NFIB: variants seen among roughly 807,000 people sequenced by gnomAD.
The protein encoded by NFIB is nuclear factor 1 B-type.
In NFIB, 11 loss-of-function variants were observed where a neutral mutation model predicts 61.5. The observed-to-expected ratio is 0.18, with a 90% confidence interval of 0.11 to 0.30. The LOEUF (loss-of-function observed/expected upper bound fraction) is 0.30, where lower values mean the gene tolerates loss of function less well. Ranked by LOEUF, NFIB falls within the 10% of genes least tolerant of loss-of-function variation. The pLI is 1.00. For missense variants in NFIB, 471 were observed against 608.9 expected, an observed-to-expected ratio of 0.77 and a Z score of 2.38; for synonymous variants, 260 against 216.5, an observed-to-expected ratio of 1.20 and a Z score of -1.76.
chr9:14,417,950 C>T, the NFIB span, among the ~76,000 whole-genome samples: 6 of 151,780 alleles, frequency 4.0e-5, no homozygotes, highest in East Asian at 5.8e-4. Flanking sequence ...GCTAATTTCT[C>T]GTACTTTTAG....
chr9:14,425,808 T>G, the NFIB span, among the ~76,000 whole-genome samples: 1 of 151,936 alleles, frequency 6.6e-6, no homozygotes, highest in Non-Finnish European at 1.5e-5. Context: ...ACACATAGAG[T>G]AGCACCTTAA....
intron 9 of NFIB, among the ~76,000 whole-genome samples, chr9:14,115,506 T>TTGG (rs1563799556): frequency 6.6e-6 from 1 of 152,198 alleles, no homozygotes; most frequent in Admixed American, 6.5e-5. Context: ...ATGCGGCTTA[T>TTGG]TGGTACGTGT....
At chr9:14,326,538 G>T (rs1445316474) in intron 1 of NFIB, among the ~76,000 whole-genome samples, 1 of 152,112 alleles carries the variant, frequency 6.6e-6, no homozygotes, top group Admixed American at 6.5e-5. Flanking sequence ...ATCTCAAGTG[G>T]TTTGTGGTGT....
At chr9:14,283,333 A>C (rs922005248) in intron 2 of NFIB, among the ~76,000 whole-genome samples, 2 of 152,222 alleles carry the variant, frequency 1.3e-5, no homozygotes, top group Admixed American at 6.5e-5. Flanking sequence ...CACAGGTTGA[A>C]GGAATTTAGA....
the NFIB span, among the ~76,000 whole-genome samples, chr9:14,429,347 T>C: frequency 6.6e-6 from 1 of 152,080 alleles, no homozygotes; most frequent in African/African-American, 2.4e-5. Context: ...AGAGGTCAAG[T>C]CCAAAGTCAA....
At chr9:14,121,920 G>A (rs926548801) in intron 7 of NFIB, among the ~76,000 whole-genome samples, 26 of 151,924 alleles carry the variant, frequency 1.7e-4, no homozygotes, top group African/African-American at 4.6e-4. Context: ...GAGTGTAATC[G>A]TATGATCATT....
intron 6 of NFIB, among the ~76,000 whole-genome samples, chr9:14,142,139 T>TA (rs1238979726): frequency 6.6e-6 from 1 of 152,170 alleles, no homozygotes; most frequent in Non-Finnish European, 1.5e-5. Flanking sequence ...TGATATGGTT[T>TA]AGCTGTGTCC....
At chr9:14,163,485 A>G (rs1377145373) in intron 3 of NFIB, among the ~76,000 whole-genome samples, 1 of 151,890 alleles carries the variant, frequency 6.6e-6, no homozygotes, top group African/African-American at 2.4e-5. Flanking sequence ...TCAAACAAAA[A>G]GGAAGCAGTA....
At chr9:14,187,921 G>T (rs1459509046) in intron 2 of NFIB, among the ~76,000 whole-genome samples, 3 of 152,148 alleles carry the variant, frequency 2.0e-5, no homozygotes, top group South Asian at 4.1e-4. Context: ...GAGGGCTGTG[G>T]TACTTCATTA....
chr9:14,454,939 T>G, the NFIB span, among the ~76,000 whole-genome samples: 1 of 152,214 alleles, frequency 6.6e-6, no homozygotes, highest in Non-Finnish European at 1.5e-5. Flanking sequence ...CTGGAATGAA[T>G]TGAATTCTGA....
the NFIB span, among the ~76,000 whole-genome samples, chr9:14,440,156 G>T: frequency 1.3e-5 from 2 of 152,324 alleles, no homozygotes; most frequent in East Asian, 3.9e-4. Flanking sequence ...TGAGGCACCT[G>T]GTGTGAGCTG....
the NFIB span, among the ~76,000 whole-genome samples, chr9:14,457,092 G>A: frequency 6.6e-6 from 1 of 152,160 alleles, no homozygotes; most frequent in Non-Finnish European, 1.5e-5. Flanking sequence ...AGGGCAATGT[G>A]TACTGTATGC....
At chr9:14,309,314 C>T (rs760504595) in intron 1 of NFIB, among the ~76,000 whole-genome samples, 5 of 152,214 alleles carry the variant, frequency 3.3e-5, no homozygotes, top group Non-Finnish European at 7.3e-5. Context: ...AACATGTTAG[C>T]TGTTTGCACT....
intron 4 of NFIB, among the ~76,000 whole-genome samples, chr9:14,151,216 G>A (rs1160062228): frequency 6.6e-6 from 1 of 152,096 alleles, no homozygotes; most frequent in Non-Finnish European, 1.5e-5. Flanking sequence ...CAACCATTGT[G>A]AGTTCCCTTC....
At chr9:14,451,196 G>C in the NFIB span, among the ~76,000 whole-genome samples, 2 of 152,140 alleles carry the variant, frequency 1.3e-5, no homozygotes, top group Non-Finnish European at 2.9e-5. Flanking sequence ...AGATAATTGA[G>C]GTAGAAGAGT....
the NFIB span, among the ~76,000 whole-genome samples, chr9:14,518,097 T>C: frequency 1.3e-5 from 2 of 152,232 alleles, no homozygotes; most frequent in Admixed American, 1.3e-4. Context: ...TAAATATATT[T>C]ATGCAGTTAC....
the NFIB span, among the ~76,000 whole-genome samples, chr9:14,522,481 T>C: frequency 6.6e-6 from 1 of 152,156 alleles, no homozygotes; most frequent in East Asian, 1.9e-4. Context: ...AAAAAAAGCA[T>C]TGTTGTCTCT....
chr9:14,247,317 C>A (rs1055748805), intron 2 of NFIB, among the ~76,000 whole-genome samples: 8 of 152,220 alleles, frequency 5.3e-5, no homozygotes, highest in Non-Finnish European at 1.0e-4. Context: ...AAAAGCTTAA[C>A]ACTGTCACCA....
Position 14,085,643 on chromosome 9 carries a change from T to G in NFIB, c.*2666A>C, listed in dbSNP as rs962069753. The G allele has an allele frequency of 4.5e-6, 1 of 220,294 alleles. No individual in the cohort carries two copies. Among genetic ancestry groups the G allele is most frequent in the Non-Finnish European group, 9.1e-6 (1 of 110,094 alleles). The allele number at this position is 220,294 out of a possible 1,614,324, so 13.6% of individuals were successfully genotyped here. The stretch of plus-strand genomic sequence containing the variant: ...TAAAAATTGAACTTTGATTTTAATC[T>G]ATCAGTCCAAATACATTCAACAATA... On this transcript the variant is annotated 3_prime_UTR_variant, in exon 11 of 11. Coordinates refer to ENST00000380953, the MANE Select transcript of NFIB (RefSeq NM_001190737.2).
Sources: allele counts gnomAD v4.1 joint callset (sites outside exome capture counted in the v4.1 genomes callset), GRCh38; gene constraint gnomAD v4.1.1; transcripts MANE v1.5; gene names NCBI Gene and HGNC (gene_info 2026-07-23, HGNC 2026-07-21).